The following ABR variants were observed in gnomAD, a reference collection of about 807,000 sequenced individuals.
ABR encodes active breakpoint cluster region-related protein.
A neutral mutation model predicts 107.2 loss-of-function variants in ABR; 35 were observed. The observed-to-expected ratio is 0.33, with a 90% CI of 0.25 to 0.43. ABR has a LOEUF of 0.43. Among genes scored for constraint, ABR ranks in the 20% least tolerant of loss-of-function variants. The probability of loss-of-function intolerance (pLI) is 1.00; values close to 1 mark genes in which losing one functional copy is unlikely to be tolerated. For synonymous variants in ABR, 498 were observed against 462.0 expected (o/e 1.08, Z -1.00); for missense variants, 815 against 1,115.2 (o/e 0.73, Z 3.83).
At position 1,005,866 on chromosome 17, in the gene ABR, A is replaced by G; in HGVS notation, c.*214T>C. 3.3e-6 allele frequency: 2 copies of G among 601,964 alleles called. No homozygotes were observed. The highest frequency in any genetic ancestry group is 3.9e-5 in the South Asian group (2 of 51,858). 37.3% of individuals were successfully genotyped at this position (601,964 alleles called of 1,614,324 possible). A position where few individuals can be genotyped will look rare whatever the true frequency, so the allele number is the denominator to read the frequency against. ...AGACACAACTAGAGGTATGGAGGGC[A>G]GGAGGTGGGATGCGGTGGTGAGGCT... is the stretch of plus-strand genomic sequence containing the variant. On this transcript the variant is annotated 3_prime_UTR_variant, in exon 23 of 23. Coordinates refer to ENST00000302538, the MANE Select transcript of ABR (RefSeq NM_021962.5).
chr17:1,127,142 C>T (rs2039637686), intron 1 of ABR, among the ~76,000 whole-genome samples: 1 of 152,328 alleles, frequency 6.6e-6, no homozygotes, highest in Non-Finnish European at 1.5e-5. Flanking sequence ...TCTCCTCGTC[C>T]CTGAGCCAAT....
intron 2 of ABR, chr17:1,108,862 C>G: frequency 6.8e-7 from 1 of 1,477,122 alleles, no homozygotes; most frequent in Non-Finnish European, 9.0e-7. Context: ...CCCGCATCAG[C>G]CATTTCTCCC....
rs941534647 is a variant in ABR at position 1,223,022 on chromosome 17, C to G, written c.838+5771G>C. Among the ~76,000 whole-genome samples, 2 of 151,722 alleles carry G rather than the reference C, an allele frequency of 1.3e-5. 1 individual carries two copies. Among genetic ancestry groups the G allele is most frequent in the Non-Finnish European group, 2.9e-5 (2 of 67,960 alleles). ...TTCAAGACCAGCCTGGACAACATGGCGAAACCCCGTCTCTACTAAAAATAC... is the reference window on the plus strand; with the variant it reads ...TTCAAGACCAGCCTGGACAACATGGGGAAACCCCGTCTCTACTAAAAATAC... On this transcript the variant is annotated intron_variant, in intron 1 of 22. Coordinates refer to the ABR transcript ENST00000574139.
intron 1 of ABR, among the ~76,000 whole-genome samples, chr17:1,135,502 A>G (rs1174665694): frequency 1.3e-5 from 2 of 151,208 alleles, no homozygotes; most frequent in African/African-American, 4.9e-5. Context: ...TCTGCCCAAG[A>G]ATTGAGGATG....
At chr17:1,213,397 G>A (rs1221030618) in intron 1 of ABR, among the ~76,000 whole-genome samples, 2 of 152,022 alleles carry the variant, frequency 1.3e-5, no homozygotes, top group Non-Finnish European at 2.9e-5. Flanking sequence ...GAAGGTCACA[G>A]TCTTTTTTTT....
chr17:1,150,757 G>A lies in ABR; in HGVS notation c.62-25390C>T, dbSNP rs1275027919. Among the ~76,000 whole-genome samples, 1 of 152,170 alleles carries A rather than the reference G, an allele frequency of 6.6e-6. No homozygotes were observed. Among genetic ancestry groups the A allele is most frequent in the Non-Finnish European group, 1.5e-5 (1 of 68,038 alleles). ...CACCCACTGGGAACCACGCGAGCAG[G>A]GAGGGACGAAGGGAGGAGCATCACG... On this transcript the variant is annotated intron_variant, in intron 1 of 22. Coordinates refer to ENST00000302538, the MANE Select transcript of ABR (RefSeq NM_021962.5). This position sits in a 1 kb window ranked among gnomAD's most constrained non-coding sequence, Gnocchi z 4.8.
chr17:1,198,969 G>A lies in ABR; in HGVS notation c.838+29824C>T, dbSNP rs188758380. ...CTTGGGAGGCTGAGGTAGAAGAATC[G>A]TTTGAACCTGGGAGGCAGAGGTTGC... On this transcript the variant is annotated intron_variant, in intron 1 of 22. Transcript: ENST00000574139. 1.9e-4 allele frequency among the ~76,000 whole-genome samples: 28 copies of A among 145,294 alleles called. 2 individuals are homozygous for A. The East Asian group carries it at 4.1e-3, about 21-fold the overall frequency.
chr17:1,155,549 C>T (rs1031414140), intron 1 of ABR, among the ~76,000 whole-genome samples: 3 of 152,084 alleles, frequency 2.0e-5, no homozygotes, highest in African/African-American at 4.8e-5. Flanking sequence ...ACGGGGGAAC[C>T]GCACGTCATC....
At chr17:1,140,721 C>G (rs571668236) in intron 1 of ABR, among the ~76,000 whole-genome samples, 18 of 151,922 alleles carry the variant, frequency 1.2e-4, no homozygotes, top group Admixed American at 2.6e-4. Context: ...TAGCTGGGAT[C>G]ACAGGCACCC....
chr17:1,010,207 C>T lies in ABR; in HGVS notation c.2237-423G>A, dbSNP rs1597342675. On this transcript the variant is annotated intron_variant, in intron 20 of 22. Coordinates refer to ENST00000302538, the MANE Select transcript of ABR (RefSeq NM_021962.5). The surrounding 1 kb of genome is among the most constrained non-coding windows in gnomAD (Gnocchi z 4.1). ...GCAGCCTTCCGTGGGGGCTGAAGCTCCAGTCTGCCCCAGGAGCAGAGAAGG... is the reference window on the plus strand; with the variant it reads ...GCAGCCTTCCGTGGGGGCTGAAGCTTCAGTCTGCCCCAGGAGCAGAGAAGG... 8.3e-6 allele frequency: 2 copies of T among 239,688 alleles called. No individual in the cohort carries two copies. The highest frequency in any genetic ancestry group is 2.2e-5 in the African/African-American group (1 of 45,544). 14.8% of individuals were successfully genotyped at this position (239,688 alleles called of 1,614,324 possible).
At chr17:1,096,453 G>A (rs113400537) in intron 3 of ABR, among the ~76,000 whole-genome samples, 16 of 152,320 alleles carry the variant, frequency 1.1e-4, no homozygotes, top group African/African-American at 2.9e-4. Flanking sequence ...CCTCCTAGCT[G>A]AGGGGTGGGG....
chr17:1,057,636 C>G (rs1167988919), intron 12 of ABR, among the ~76,000 whole-genome samples: 1 of 140,424 alleles, frequency 7.1e-6, no homozygotes, highest in Non-Finnish European at 1.5e-5. Flanking sequence ...GCCACCGTAC[C>G]CAGCCTCTGT....
At chr17:1,119,844 A>G (rs1168739128) in intron 2 of ABR, among the ~76,000 whole-genome samples, 2 of 152,204 alleles carry the variant, frequency 1.3e-5, no homozygotes, top group East Asian at 3.9e-4. Context: ...TTTCAATAAC[A>G]CGCTGCCCCA....
intron 2 of ABR, among the ~76,000 whole-genome samples, chr17:1,114,620 A>C (rs1344946603): frequency 1.3e-5 from 2 of 152,154 alleles, no homozygotes; most frequent in Non-Finnish European, 2.9e-5. Flanking sequence ...TAAAAATACA[A>C]AAATTAGCTA....
chr17:1,068,267 C>A (rs2034920846), intron 9 of ABR, among the ~76,000 whole-genome samples: 1 of 152,246 alleles, frequency 6.6e-6, no homozygotes, highest in Non-Finnish European at 1.5e-5. Context: ...AATCATCGAT[C>A]CTTCCCCTAG....
intron 10 of ABR, among the ~76,000 whole-genome samples, chr17:1,062,653 T>G (rs2034149473): frequency 6.9e-6 from 1 of 144,240 alleles, no homozygotes; most frequent in Non-Finnish European, 1.6e-5. Context: ...CATGTTCCTC[T>G]AGACACTGTT....
chr17:1,198,590 T>C (rs1219027617), intron 1 of ABR, among the ~76,000 whole-genome samples: 1 of 150,834 alleles, frequency 6.6e-6, no homozygotes, highest in Non-Finnish European at 1.5e-5. Flanking sequence ...AAAAATACAA[T>C]ATTAACCAGG....
At chr17:1,173,550 G>C (rs2041824446) in intron 1 of ABR, among the ~76,000 whole-genome samples, 2 of 151,978 alleles carry the variant, frequency 1.3e-5, no homozygotes, top group Non-Finnish European at 2.9e-5. Context: ...AAAAGCGCGA[G>C]ACTCCCTTTG....
chr17:1,011,711 A>G lies in ABR; in HGVS notation c.2101+135T>C, dbSNP rs1335030545. On this transcript the variant is annotated intron_variant, in intron 19 of 22. Coordinates refer to ENST00000302538, the MANE Select transcript of ABR (RefSeq NM_021962.5). This position sits in a 1 kb window ranked among gnomAD's most constrained non-coding sequence, Gnocchi z 4.8. ...AGGGGAGGGGATTACAAGAGAAAGC[A>G]CTTGCCACGGGGACTCTGAAGCAGA... The G allele has an allele frequency of 2.6e-6, 3 of 1,135,808 alleles. No individual in the cohort carries two copies. In the African/African-American group the frequency reaches 4.6e-5, roughly 18 times the overall value. 70.4% of individuals were successfully genotyped at this position (1,135,808 alleles called of 1,614,324 possible). A position where few individuals can be genotyped will look rare whatever the true frequency, so the allele number is the denominator to read the frequency against.
Sources: gnomAD v4.1 joint callset for allele counts (sites outside exome capture counted in the v4.1 genomes callset) on GRCh38, gnomAD v4.1.1 for gene constraint, Gnocchi (gnomAD v3.1) non-coding constraint, MANE v1.5 for transcripts, NCBI Gene and HGNC (gene_info 2026-07-23, HGNC 2026-07-21) for gene names.